Variants in AK5 observed in about 807,000 individuals in gnomAD.
AK5 encodes adenylate kinase isoenzyme 5.
A neutral mutation model predicts 69.5 loss-of-function variants in AK5; 27 were observed. The observed-to-expected ratio is 0.39, with a 90% confidence interval of 0.29 to 0.54. AK5 has a LOEUF of 0.54. Ranked by LOEUF, AK5 falls within the 20% of genes least tolerant of loss-of-function variation. AK5 has a pLI of 0.71. For synonymous variants in AK5, 260 were observed against 244.4 expected (o/e 1.06, Z -0.60); for missense variants, 531 against 700.4 (o/e 0.76, Z 2.73).
chr1:77,287,775 A>G (rs951054992), intron 2 of AK5, among the ~76,000 whole-genome samples: 2 of 152,242 alleles, frequency 1.3e-5, no homozygotes, highest in Non-Finnish European at 2.9e-5. Context: ...GAAGTGAGGT[A>G]CAGAATGGCT....
At chr1:77,524,053 T>A (rs1483005924) in intron 12 of AK5, among the ~76,000 whole-genome samples, 1 of 152,218 alleles carries the variant, frequency 6.6e-6, no homozygotes, top group Non-Finnish European at 1.5e-5. Flanking sequence ...TCTAGGTACC[T>A]CTTATTTCAC....
intron 6 of AK5, among the ~76,000 whole-genome samples, chr1:77,391,495 GTATATA>G (rs753916010): frequency 0.1 from 6,517 of 63,150 alleles, 325 homozygotes; most frequent in East Asian, 0.38. Flanking sequence ...GTGTGTGTGT[GTATATA>G]TATATATATA....
At chr1:77,372,308 G>T (rs1647135002) in intron 6 of AK5, among the ~76,000 whole-genome samples, 1 of 152,130 alleles carries the variant, frequency 6.6e-6, no homozygotes, top group South Asian at 2.1e-4. Flanking sequence ...TTATGAAAAT[G>T]CAACCATTAA....
chr1:77,343,007 C>T (rs1570411386), intron 6 of AK5, among the ~76,000 whole-genome samples: 1 of 152,176 alleles, frequency 6.6e-6, no homozygotes. Context: ...TAGAACAGTA[C>T]CTTCTCACTA....
At position 77,283,181 on chromosome 1, in the gene AK5, T is replaced by G. The variant is rs971592727; in HGVS notation, c.60+808T>G. 6.1e-6 allele frequency: 6 copies of G among 985,492 alleles called. No individual in the cohort carries two copies. In the South Asian group the frequency reaches 2.3e-4, roughly 39 times the overall value. 61.0% of individuals were successfully genotyped at this position (985,492 alleles called of 1,614,324 possible). The stretch of plus-strand genomic sequence containing the variant: ...AGAGAGGAGGCTCGAGGAATGAACC[T>G]TGGTCTGTTCTAAGCCACAACCCCT... On this transcript the variant is annotated intron_variant, in intron 1 of 13. Coordinates refer to ENST00000354567, the MANE Select transcript of AK5 (RefSeq NM_174858.3).
intron 1 of AK5, 68 bp from the exon 2 acceptor site, chr1:77,286,873 T>C (rs146814780): frequency 3.0e-6 from 3 of 1,002,858 alleles, no homozygotes; most frequent in African/African-American, 3.4e-5. Context: ...TAAATTAAAT[T>C]AAATTAAAGA....
chr1:77,304,610 G>A (rs948305869), intron 5 of AK5, among the ~76,000 whole-genome samples: 15 of 152,066 alleles, frequency 9.9e-5, no homozygotes, highest in Non-Finnish European at 2.1e-4. Context: ...TCTCCATGTT[G>A]GTCAGGCTGG....
chr1:77,455,164 A>G (rs987123715), intron 8 of AK5, among the ~76,000 whole-genome samples: 1 of 151,474 alleles, frequency 6.6e-6, no homozygotes, highest in Non-Finnish European at 1.5e-5. Flanking sequence ...AAAAACATCT[A>G]GTATATCGCT....
chr1:77,491,435 T>C (rs1420037139), intron 10 of AK5, among the ~76,000 whole-genome samples: 1 of 149,432 alleles, frequency 6.7e-6, no homozygotes, highest in Non-Finnish European at 1.5e-5. Flanking sequence ...GCCTCCCGAG[T>C]AGCTGGGATT....
chr1:77,391,426 T>TACACACACATATATACACAC (rs1648431698), intron 6 of AK5, among the ~76,000 whole-genome samples: 1 of 122,666 alleles, frequency 8.2e-6, no homozygotes, highest in Non-Finnish European at 1.6e-5. Context: ...TATATGTATA[T>TACACACACATATATACACAC]ATATACATAT....
At chr1:77,534,115 T>A (rs1658823281) in intron 12 of AK5, among the ~76,000 whole-genome samples, 1 of 152,176 alleles carries the variant, frequency 6.6e-6, no homozygotes, top group African/African-American at 2.4e-5. Flanking sequence ...CAACTCACGA[T>A]ATTACGAGTT....
At chr1:77,285,288 A>G (rs1285742317) in intron 1 of AK5, among the ~76,000 whole-genome samples, 2 of 152,214 alleles carry the variant, frequency 1.3e-5, no homozygotes, top group African/African-American at 2.4e-5. Flanking sequence ...GCTCAACTGC[A>G]ATGTGTGTGT....
intron 5 of AK5, among the ~76,000 whole-genome samples, chr1:77,300,618 C>G (rs1290004385): frequency 1.3e-5 from 2 of 152,186 alleles, no homozygotes; most frequent in Non-Finnish European, 2.9e-5. Context: ...CACCAGTTCT[C>G]CAATTCTCCA....
chr1:77,479,196 CTTTTTTTT>C (rs67079216), intron 8 of AK5, among the ~76,000 whole-genome samples: 42 of 71,922 alleles, frequency 5.8e-4, no homozygotes, highest in African/African-American at 2.2e-3. Context: ...CTGAAATTGT[CTTTTTTTT>C]TTTTTTTTTT....
At chr1:77,464,233 C>T (rs978556330) in intron 8 of AK5, among the ~76,000 whole-genome samples, 8 of 152,112 alleles carry the variant, frequency 5.3e-5, no homozygotes, top group Admixed American at 3.9e-4. Flanking sequence ...AGGCCAGAGT[C>T]CCCTGCTAGA....
chr1:77,448,914 G>T (rs981098000), intron 8 of AK5, among the ~76,000 whole-genome samples: 1 of 152,198 alleles, frequency 6.6e-6, no homozygotes, highest in Non-Finnish European at 1.5e-5. Context: ...ACAGCAGAGA[G>T]CTGGCAACAA....
At chr1:77,367,721 A>T (rs1219578653) in intron 6 of AK5, among the ~76,000 whole-genome samples, 7 of 49,838 alleles carry the variant, frequency 1.4e-4, no homozygotes, top group African/African-American at 3.4e-4. Flanking sequence ...GTTATATATA[A>T]TATATGTTAT....
intron 1 of AK5, 70 bp from the exon 2 acceptor site, chr1:77,286,871 A>C: frequency 1.0e-6 from 1 of 985,036 alleles, no homozygotes; most frequent in African/African-American, 1.7e-5. Flanking sequence ...ATTAAATTAA[A>C]TTAAATTAAA....
rs531876155 is a variant in AK5 at position 77,419,777 on chromosome 1, T to A, written c.1059+2062T>A. Among the ~76,000 whole-genome samples, 3 of 152,252 alleles carry A rather than the reference T, an allele frequency of 2.0e-5. No individual in the cohort carries two copies. The East Asian group carries it at 5.8e-4, about 29-fold the overall frequency. On this transcript the variant is annotated intron_variant, in intron 8 of 13. Transcript: ENST00000354567. ...GAGAATGGAGGTGATGGAGCCGAGG[T>A]TATTTTTTAACAGTTAATAGTTGAG...
Sources: allele counts gnomAD v4.1 joint callset (sites outside exome capture counted in the v4.1 genomes callset), GRCh38; gene constraint gnomAD v4.1.1; transcripts MANE v1.5; gene names NCBI Gene and HGNC (gene_info 2026-07-23, HGNC 2026-07-21).